CNTNAP2: variants seen among roughly 807,000 people sequenced by gnomAD.
CNTNAP2 encodes contactin associated protein 2, also known as contactin-associated protein-like 2.
A neutral mutation model predicts 155.2 loss-of-function variants in CNTNAP2; 98 were observed. The observed-to-expected ratio is 0.63, with a 90% CI of 0.54 to 0.75. The LOEUF is 0.75. Among genes scored for constraint, CNTNAP2 ranks in the 30% least tolerant of loss-of-function variants. The pLI, the probability that CNTNAP2 is intolerant of heterozygous loss-of-function variation, is 0.00. For synonymous variants in CNTNAP2, 651 were observed against 631.2 expected (o/e 1.03, Z -0.47); for missense variants, 1,727 against 1,688.1 (o/e 1.02, Z -0.40).
chr7:147,024,191 G>C (rs1798861267), intron 3 of CNTNAP2, among the ~76,000 whole-genome samples: 1 of 152,152 alleles, frequency 6.6e-6, no homozygotes. Flanking sequence ...AGCCAAACTG[G>C]ATTTTCTCAA....
chr7:146,525,440 G>T (rs754878352), intron 1 of CNTNAP2, among the ~76,000 whole-genome samples: 1 of 152,080 alleles, frequency 6.6e-6, no homozygotes, highest in African/African-American at 2.4e-5. Flanking sequence ...ATACCAAATT[G>T]AGAAAAGGAA....
chr7:147,481,212 T>C (rs1798417415), intron 10 of CNTNAP2, among the ~76,000 whole-genome samples: 1 of 152,236 alleles, frequency 6.6e-6, no homozygotes, highest in South Asian at 2.1e-4. Flanking sequence ...CGTGCGTTGA[T>C]GATTACCAAG....
chr7:147,491,872 CATT>C (rs1420801867), intron 11 of CNTNAP2, among the ~76,000 whole-genome samples: 4 of 152,004 alleles, frequency 2.6e-5, no homozygotes, highest in Non-Finnish European at 5.9e-5. Context: ...AGACATTAAA[CATT>C]ATTCTAAGAA....
chr7:147,807,001 T>C (rs944097113), intron 13 of CNTNAP2, among the ~76,000 whole-genome samples: 1 of 151,998 alleles, frequency 6.6e-6, no homozygotes, highest in African/African-American at 2.4e-5. Flanking sequence ...AAGAGTGGGA[T>C]TGAAATGTTC....
At chr7:146,879,442 C>A (rs1795494100) in intron 3 of CNTNAP2, among the ~76,000 whole-genome samples, 2 of 151,978 alleles carry the variant, frequency 1.3e-5, no homozygotes, top group Non-Finnish European at 2.9e-5. Context: ...TTATATTGTT[C>A]TCTTTTCTAT....
chr7:146,529,593 T>A (rs1797738862), intron 1 of CNTNAP2, among the ~76,000 whole-genome samples: 1 of 152,108 alleles, frequency 6.6e-6, no homozygotes, highest in Non-Finnish European at 1.5e-5. Flanking sequence ...ATGGATTAGC[T>A]TTTAGTGGTA....
chr7:147,100,926 A>G (rs985486650), intron 4 of CNTNAP2, among the ~76,000 whole-genome samples: 1 of 152,232 alleles, frequency 6.6e-6, no homozygotes, highest in Non-Finnish European at 1.5e-5. Flanking sequence ...GTAAAATGAT[A>G]AAAGTATGCA....
intron 1 of CNTNAP2, among the ~76,000 whole-genome samples, chr7:146,451,857 A>ACATACGTT: frequency 7.8e-6 from 1 of 128,608 alleles, no homozygotes; most frequent in African/African-American, 3.2e-5. Context: ...CACGTATTCT[A>ACATACGTT]TATATATATA....
At chr7:146,629,768 G>A (rs182771134) in intron 1 of CNTNAP2, among the ~76,000 whole-genome samples, 1 of 152,214 alleles carries the variant, frequency 6.6e-6, no homozygotes, top group Non-Finnish European at 1.5e-5. Flanking sequence ...CTGTGCATGA[G>A]TAATAACAAC....
chr7:147,231,546 C>T (rs1036991492), intron 8 of CNTNAP2, among the ~76,000 whole-genome samples: 3 of 152,190 alleles, frequency 2.0e-5, no homozygotes, highest in Non-Finnish European at 4.4e-5. Context: ...TTTACATTCC[C>T]ACTAACAGTG....
intron 8 of CNTNAP2, among the ~76,000 whole-genome samples, chr7:147,297,032 G>A (rs906923891): frequency 6.6e-6 from 1 of 152,170 alleles, no homozygotes; most frequent in Non-Finnish European, 1.5e-5. Context: ...AATGGACTTA[G>A]GATGATGGGG....
intron 3 of CNTNAP2, among the ~76,000 whole-genome samples, chr7:146,949,649 T>C (rs2129227553): frequency 6.6e-6 from 1 of 152,316 alleles, no homozygotes; most frequent in African/African-American, 2.4e-5. Flanking sequence ...GTTTTCTCAG[T>C]TATATCACAA....
chr7:146,402,888 AT>A (rs1450238090), intron 1 of CNTNAP2, among the ~76,000 whole-genome samples: 4 of 152,140 alleles, frequency 2.6e-5, no homozygotes, highest in Non-Finnish European at 4.4e-5. Flanking sequence ...TCTGGATTGC[AT>A]AATTATAGTT....
intron 1 of CNTNAP2, among the ~76,000 whole-genome samples, chr7:146,200,593 T>C (rs1280025214): frequency 6.6e-6 from 1 of 152,140 alleles, no homozygotes; most frequent in Non-Finnish European, 1.5e-5. Context: ...TGTTTTTAGA[T>C]ACACTAATGC....
chr7:146,615,688 T>C (rs1403090124), intron 1 of CNTNAP2, among the ~76,000 whole-genome samples: 2 of 152,304 alleles, frequency 1.3e-5, no homozygotes, highest in East Asian at 1.9e-4. Flanking sequence ...TGCATTCATA[T>C]CACCTGGGAG....
At chr7:146,433,253 T>C (rs180809165) in intron 1 of CNTNAP2, among the ~76,000 whole-genome samples, 19 of 152,102 alleles carry the variant, frequency 1.2e-4, no homozygotes, top group Non-Finnish European at 2.5e-4. Context: ...GAAATCAAAT[T>C]AATAATTCAA....
intron 11 of CNTNAP2, among the ~76,000 whole-genome samples, chr7:147,494,764 C>G (rs4725740): frequency 0.29 from 43,657 of 151,632 alleles, 6,397 homozygotes; most frequent in East Asian, 0.43. Context: ...AGATAAGGAA[C>G]GGAGCTTCAG....
chr7:148,393,124 ATCATCTATTCTG>A (rs1799389694), intron 22 of CNTNAP2, among the ~76,000 whole-genome samples: 1 of 151,778 alleles, frequency 6.6e-6, no homozygotes, highest in Admixed American at 6.6e-5. Context: ...AATTACATAT[ATCATCTATTCTG>A]TTTTCTACCT....
chr7:147,118,870 A>C (rs1801042705), intron 5 of CNTNAP2, among the ~76,000 whole-genome samples: 1 of 152,212 alleles, frequency 6.6e-6, no homozygotes, highest in Admixed American at 6.5e-5. Flanking sequence ...AAACATATGA[A>C]AGAAAATAGA....
Sources: allele counts gnomAD v4.1 joint callset (sites outside exome capture counted in the v4.1 genomes callset), GRCh38; gene constraint gnomAD v4.1.1; transcripts MANE v1.5; gene names NCBI Gene and HGNC (gene_info 2026-07-23, HGNC 2026-07-21).